The following PPP2R1A variants were observed in gnomAD, a reference collection of about 807,000 sequenced individuals.
The protein encoded by PPP2R1A is serine/threonine-protein phosphatase 2A 65 kDa regulatory subunit A alpha isoform.
PPP2R1A carries 15 observed loss-of-function variants against 67.1 expected under a neutral mutation model. The ratio of observed to expected loss-of-function variants is 0.22; its 90% confidence interval spans 0.15 to 0.34. The LOEUF (loss-of-function observed/expected upper bound fraction) is 0.34. PPP2R1A is among the 10% of genes least tolerant of loss of function. The pLI is 1.00. For synonymous variants in PPP2R1A, 337 were observed against 325.0 expected (o/e 1.04, Z -0.40); for missense variants, 369 against 775.0 (o/e 0.48, Z 6.22).
In PPP2R1A at chr19:52,201,948, G is replaced by A. The variant is rs1372727039; in HGVS notation, c.83G>A (p.Arg28His). 3 of 1,613,892 alleles carry A rather than the reference G, an allele frequency of 1.9e-6. No homozygotes were observed. Among genetic ancestry groups the A allele is most frequent in the Non-Finnish European group, 1.7e-6 (2 of 1,179,888 alleles). The change falls in exon 2 of 15, where the codon CGC becomes CAC. Residue 28 changes from arginine (R) to histidine (H), a missense_variant. Around this residue, in one of 2 missense-constraint regions of PPP2R1A, gnomAD observed 93 missense variants for 266.5 expected, o/e 0.35. Coordinates refer to ENST00000322088, the MANE Select transcript of PPP2R1A (RefSeq NM_014225.6). ...DELRNEDVQL[R>H]LNSIKKLSTI... ...CTCTTCTTGTTCTCTCATTAGCTTC[G>A]CCTCAACAGCATCAAGAAGCTGTCC... is the stretch of plus-strand genomic sequence containing the variant.
chr19:52,205,426 A>G (rs193225510), intron 2 of PPP2R1A, among the ~76,000 whole-genome samples: 4 of 152,126 alleles, frequency 2.6e-5, no homozygotes, highest in Non-Finnish European at 5.9e-5. Context: ...TATGTTAAGG[A>G]TGTGGTAAAG....
chr19:52,206,021 C>T lies in PPP2R1A; in HGVS notation c.228C>T (p.Phe76=), dbSNP rs2122312293. The T allele has an allele frequency of 1.2e-6, 2 of 1,614,152 alleles. No individual in the cohort carries two copies. The highest frequency in any genetic ancestry group is 1.7e-6 in the Non-Finnish European group (2 of 1,179,984). Residue 76 remains phenylalanine, a synonymous_variant, in exon 3 of 15, where the codon TTC becomes TTT. Coordinates refer to ENST00000322088, the MANE Select transcript of PPP2R1A (RefSeq NM_014225.6). ...CCCTGGCAGAACAGCTGGGAACCTT[C>T]ACTACCCTGGTGGGAGGCCCAGAGT... ...LLALAEQLGT[F]TTLVGGPEYV... is the part of the protein sequence containing the mutation.
At chr19:52,215,741 G>A (rs557117624) in intron 6 of PPP2R1A, 38 bp from the exon 7 acceptor site, 1 of 1,565,570 alleles carries the variant, frequency 6.4e-7, no homozygotes, top group Non-Finnish European at 8.8e-7. Flanking sequence ...TAAACTGCCA[G>A]CCCCTCTCAC....
chr19:52,201,918 CCCT>C (rs2089553500), intron 1 of PPP2R1A, 23 bp from the exon 2 acceptor site: 2 of 1,605,566 alleles, frequency 1.2e-6, no homozygotes, highest in Non-Finnish European at 1.7e-6. Flanking sequence ...TAACATTCTC[CCCT>C]CCTCTTCTTG....
At position 52,213,776 on chromosome 19, in the gene PPP2R1A, G is replaced by A. The variant is rs1978397560; in HGVS notation, c.807+666G>A. On this transcript the variant is annotated intron_variant, in intron 6 of 14. Coordinates refer to ENST00000322088, the MANE Select transcript of PPP2R1A (RefSeq NM_014225.6). This position sits in a 1 kb window ranked among gnomAD's most constrained non-coding sequence, Gnocchi z 4.2. ...GCTGGGATTACAGGTGTTAGCCACC[G>A]CGCCCAGCCCCGGAAAGTTTAATTA... Among the ~76,000 whole-genome samples the A allele has an allele frequency of 6.6e-6, 1 of 151,874 alleles. No individual in the cohort carries two copies. The highest frequency in any genetic ancestry group is 1.5e-5 in the Non-Finnish European group (1 of 67,982).
rs1159156223 is a variant in PPP2R1A, at chr19:52,227,217, T to C, written c.*1236T>C. 1 of 152,080 alleles carries C rather than the reference T, an allele frequency of 6.6e-6. No individual in the cohort carries two copies. The highest frequency in any genetic ancestry group is 1.5e-5 in the Non-Finnish European group (1 of 68,002). The allele number at this position is 152,080 out of a possible 1,614,324, so 9.4% of individuals were successfully genotyped here. A position where few individuals can be genotyped will look rare whatever the true frequency, so the allele number is the denominator to read the frequency against. On this transcript the variant is annotated 3_prime_UTR_variant, in exon 15 of 15. Coordinates refer to ENST00000322088, the MANE Select transcript of PPP2R1A (RefSeq NM_014225.6). ...TGGTATATGCAGCTTCTAGGAAGTG[T>C]TCTTAAGGGGGAAGGCGTCATCCCC...
intron 2 of PPP2R1A, among the ~76,000 whole-genome samples, chr19:52,202,450 C>T (rs990254707): frequency 3.3e-5 from 5 of 152,166 alleles, no homozygotes; most frequent in East Asian, 1.9e-4. Flanking sequence ...TGTTCTACAC[C>T]GTATCTTGTG....
At chr19:52,193,337 G>T (rs2089470943) in intron 1 of PPP2R1A, among the ~76,000 whole-genome samples, 4 of 152,194 alleles carry the variant, frequency 2.6e-5, no homozygotes, top group Admixed American at 2.6e-4. Flanking sequence ...AGGAACATGG[G>T]ACATGAAATC....
In PPP2R1A at chr19:52,211,932, C is replaced by T. The variant is rs1266830138; in HGVS notation, c.503+440C>T. On this transcript the variant is annotated intron_variant, in intron 4 of 14. Transcript: ENST00000322088. The surrounding 1 kb of genome is among the most constrained non-coding windows in gnomAD (Gnocchi z 5.3). Reference sequence around the variant, plus strand: ...TTTGCAAACGATTGACCGTCAAGCCCGGGTTTGAGCCTGACTCACTCCAGA... The same window carrying T: ...TTTGCAAACGATTGACCGTCAAGCCTGGGTTTGAGCCTGACTCACTCCAGA... Among the ~76,000 whole-genome samples the T allele has an allele frequency of 1.3e-5, 2 of 152,198 alleles. No homozygotes were observed. Among genetic ancestry groups the T allele is most frequent in the Non-Finnish European group, 2.9e-5 (2 of 68,040 alleles).
rs562666352 is a variant in PPP2R1A at position 52,212,635 on chromosome 19, C to T, written c.504-51C>T. ...CACAACTGCAGAGTCTGTGCTTGCT[C>T]CTCTCTGCCATACTGCCTGCTGCCT... On this transcript the variant is annotated intron_variant, in intron 4 of 14. Coordinates refer to ENST00000322088, the MANE Select transcript of PPP2R1A (RefSeq NM_014225.6). The surrounding 1 kb of genome is among the most constrained non-coding windows in gnomAD (Gnocchi z 4.1). The T allele has an allele frequency of 1.1e-5, 17 of 1,596,762 alleles. 1 individual carries two copies. The highest frequency in any genetic ancestry group is 1.9e-4 in the Middle Eastern group (1 of 5,278).
rs372769875 is a variant in PPP2R1A at position 52,220,939 on chromosome 19, C to T, written c.1364-40C>T. 9 of 1,609,796 alleles carry T rather than the reference C, an allele frequency of 5.6e-6. No individual in the cohort carries two copies. The East Asian group carries it at 8.9e-5, about 16-fold the overall frequency. ...ACATTTTGCCCACATCAGTTCTTCA[C>T]CTCCAAATCCCTGTCTCTCTCACCC... On this transcript the variant is annotated intron_variant, in intron 11 of 14. Coordinates refer to ENST00000322088, the MANE Select transcript of PPP2R1A (RefSeq NM_014225.6).
rs1031829242 is a variant in PPP2R1A, at chr19:52,220,982, A to G, written c.1367A>G (p.Tyr456Cys). 3 of 1,614,172 alleles carry G rather than the reference A, an allele frequency of 1.9e-6. No individual in the cohort carries two copies. In the South Asian group the frequency reaches 3.3e-5, roughly 18 times the overall value. The change falls in exon 12 of 15, where the codon TAT (tyrosine) becomes TGT (cysteine). Residue 456 changes from tyrosine (Y) to cysteine (C), a missense_variant. Transcript: ENST00000322088. Reference protein sequence around the residue: ...LCMAWLVDHVYAIREAATSNL... With the variant: ...LCMAWLVDHVCAIREAATSNL... Reference sequence around the variant, plus strand: ...TCTCACCCTCACCCTTCTGCAGTATATGCCATCCGCGAGGCAGCCACCAGC... The same window carrying G: ...TCTCACCCTCACCCTTCTGCAGTATGTGCCATCCGCGAGGCAGCCACCAGC...
At chr19:52,198,146 CT>C in intron 1 of PPP2R1A, among the ~76,000 whole-genome samples, 1 of 152,282 alleles carries the variant, frequency 6.6e-6, no homozygotes, top group Non-Finnish European at 1.5e-5. Context: ...ATCATCCCCA[CT>C]TCACAGATGA....
rs148201006 is a variant in PPP2R1A at position 52,204,026 on chromosome 19, G to A, written c.170-1937G>A. Among the ~76,000 whole-genome samples the A allele has an allele frequency of 9.3e-3, 1,419 of 152,314 alleles. 14 individuals are homozygous for A. The highest frequency in any genetic ancestry group is 0.031 in the Middle Eastern group (9 of 294). ...CCTCTATGTGTTTCACCATCTGGAA[G>A]CTCTCTGAACCCTCTGGGTTTTTAT... On this transcript the variant is annotated intron_variant, in intron 2 of 14. Transcript: ENST00000322088.
intron 13 of PPP2R1A, among the ~76,000 whole-genome samples, chr19:52,224,762 C>G: frequency 6.6e-6 from 1 of 152,112 alleles, no homozygotes; most frequent in Non-Finnish European, 1.5e-5. Flanking sequence ...TACAGTGGTG[C>G]GATCTCGGCT....
Position 52,206,033 on chromosome 19 carries a change from G to A in PPP2R1A, c.240G>A (p.Val80=). 1.2e-6 allele frequency: 2 copies of A among 1,614,126 alleles called. No homozygotes were observed. Among genetic ancestry groups the A allele is most frequent in the Non-Finnish European group, 1.7e-6 (2 of 1,179,976 alleles). ...AGCTGGGAACCTTCACTACCCTGGT[G>A]GGAGGCCCAGAGTACGTGCACTGCC... ...AEQLGTFTTL[V]GGPEYVHCLL... Residue 80 remains valine (V), a synonymous_variant, in exon 3 of 15, where the codon GTG becomes GTA. Coordinates refer to ENST00000322088, the MANE Select transcript of PPP2R1A (RefSeq NM_014225.6).
chr19:52,225,844 G>A (rs1979223751), intron 14 of PPP2R1A, 36 bp downstream of exon 14: 1 of 1,612,386 alleles, frequency 6.2e-7, no homozygotes, highest in Non-Finnish European at 8.5e-7. Context: ...TAGCAGGAGG[G>A]TGGACTTTGA....
chr19:52,208,474 G>A (rs977474319), intron 3 of PPP2R1A, among the ~76,000 whole-genome samples: 8 of 151,342 alleles, frequency 5.3e-5, no homozygotes, highest in Non-Finnish European at 1.2e-4. Context: ...TGGGTGTGAG[G>A]GTTGTTTCTG....
At chr19:52,192,256 G>A (rs1431714312) in intron 1 of PPP2R1A, among the ~76,000 whole-genome samples, 1 of 151,930 alleles carries the variant, frequency 6.6e-6, no homozygotes, top group Non-Finnish European at 1.5e-5. Flanking sequence ...GAAAGAAGGT[G>A]GGGGAGAGCC....
Sources: allele counts gnomAD v4.1 joint callset (sites outside exome capture counted in the v4.1 genomes callset), GRCh38; gene constraint gnomAD v4.1.1; regional missense constraint gnomAD v4.1.1; non-coding constraint Gnocchi (gnomAD v3.1); transcripts MANE v1.5; gene names NCBI Gene and HGNC (gene_info 2026-07-23, HGNC 2026-07-21).